Variants in FCHO1 observed in about 807,000 individuals in gnomAD.
FCHO1 encodes the protein F-BAR domain only protein 1.
A neutral mutation model predicts 114.4 loss-of-function variants in FCHO1; 45 were observed. That is an observed-to-expected ratio of 0.39 (90% CI 0.31 to 0.50). The LOEUF (loss-of-function observed/expected upper bound fraction) is 0.50, where lower values mean the gene tolerates loss of function less well. Ranked by LOEUF, FCHO1 falls within the 20% of genes least tolerant of loss-of-function variation. The pLI, the probability that FCHO1 is intolerant of heterozygous loss-of-function variation, is 0.77. For synonymous variants in FCHO1, 480 were observed against 488.9 expected, an observed-to-expected ratio of 0.98 and a Z score of 0.24; for missense variants, 1,042 against 1,209.6, an observed-to-expected ratio of 0.86 and a Z score of 2.06.
Position 17,770,876 on chromosome 19 carries a change from A to G in FCHO1, c.574A>G (p.Lys192Glu). 6.2e-7 allele frequency: 1 copy of G among 1,614,074 alleles called. No individual in the cohort carries two copies. Among genetic ancestry groups the G allele is most frequent in the Non-Finnish European group, 8.5e-7 (1 of 1,180,014 alleles). The change falls in exon 9 of 29, where the codon AAG becomes GAG. Residue 192 changes from lysine (K) to glutamate (E), a missense_variant. By Grantham distance (56) the Lys-to-Glu change is moderately conservative (BLOSUM62 1). This residue lies in a region of FCHO1 where 450 missense variants were observed against 564.1 expected (regional missense o/e 0.80). Transcript: ENST00000596536. ...CTCAGCCCGAGCTGACTTTGAGCAGAAGATGCTGGACTCAGCCCTGGTAAG... is the reference window on the plus strand; with the variant it reads ...CTCAGCCCGAGCTGACTTTGAGCAGGAGATGCTGGACTCAGCCCTGGTAAG... ...YNSARADFEQ[K>E]MLDSALRFQA... is the part of the protein sequence containing the mutation.
At position 17,781,836 on chromosome 19, in the gene FCHO1, C is replaced by T. The variant is rs373997363; in HGVS notation, c.1937+16C>T. The T allele has an allele frequency of 2.2e-5, 33 of 1,524,334 alleles. No homozygotes were observed. In the African/African-American group the frequency reaches 3.6e-4, roughly 17 times the overall value. 94.4% of individuals were successfully genotyped at this position (1,524,334 alleles called of 1,614,324 possible). The stretch of plus-strand genomic sequence containing the variant: ...ACAGCCCCAGGTACCCAGTGATGGG[C>T]AGACAGGGCCCGTGGGAAGTCTGTG... On this transcript the variant is annotated intron_variant, in intron 23 of 28. Transcript: ENST00000596536.
In FCHO1 at chr19:17,784,638, G is replaced by A. The variant is rs1238762909; in HGVS notation, c.2227-87G>A. ...ACCCCCTTGGGGCGGTGCGTGCATCGCAGGGTCAAGGTGGTTGAATAGCGC... is the reference window on the plus strand; with the variant it reads ...ACCCCCTTGGGGCGGTGCGTGCATCACAGGGTCAAGGTGGTTGAATAGCGC... On this transcript the variant is annotated intron_variant, in intron 25 of 28. Transcript: ENST00000596536. This position sits in a 1 kb window ranked among gnomAD's most constrained non-coding sequence, Gnocchi z 5.3. 8.5e-6 allele frequency: 11 copies of A among 1,293,112 alleles called. No individual in the cohort carries two copies. Among genetic ancestry groups the A allele is most frequent in the East Asian group, 4.6e-5 (2 of 43,182 alleles). The allele number at this position is 1,293,112 out of a possible 1,614,324, so 80.1% of individuals were successfully genotyped here. A position where few individuals can be genotyped will look rare whatever the true frequency, so the allele number is the denominator to read the frequency against.
rs762374542 is a variant in FCHO1, at chr19:17,781,301, T to C, written c.1698T>C (p.Ser566=). 1 of 1,613,978 alleles carries C rather than the reference T, an allele frequency of 6.2e-7. No individual in the cohort carries two copies. Among genetic ancestry groups the C allele is most frequent in the Non-Finnish European group, 8.5e-7 (1 of 1,179,930 alleles). The part of the protein sequence containing the change: ...GLAAPPRRLR[S]RKVSCPLTRS... ...CAGCCCCACCCAGGAGACTTCGCTCTAGGAAGGTGTCCTGCCCTCTCACAC... is the reference window on the plus strand; with the variant it reads ...CAGCCCCACCCAGGAGACTTCGCTCCAGGAAGGTGTCCTGCCCTCTCACAC... Residue 566 remains serine, a synonymous_variant, in exon 21 of 29, where the codon TCT becomes TCC. Coordinates refer to ENST00000596536, the MANE Select transcript of FCHO1 (RefSeq NM_015122.3).
intron 4 of FCHO1, among the ~76,000 whole-genome samples, chr19:17,757,972 T>A (rs2084409689): frequency 6.7e-6 from 1 of 149,614 alleles, no homozygotes; most frequent in Non-Finnish European, 1.5e-5. Context: ...ATCCCAGCAT[T>A]TGGGAGGCCG....
intron 1 of FCHO1, among the ~76,000 whole-genome samples, chr19:17,752,716 C>T (rs184435111): frequency 1.4e-5 from 2 of 140,406 alleles, no homozygotes; most frequent in Admixed American, 1.5e-4. Context: ...CTGGGCCACA[C>T]TAGTGAGACC....
At chr19:17,786,149 T>G (rs189503100) in intron 26 of FCHO1, among the ~76,000 whole-genome samples, 1 of 151,634 alleles carries the variant, frequency 6.6e-6, no homozygotes, top group African/African-American at 2.4e-5. Context: ...GCCTGGCCAA[T>G]ATGGTGAAAC....
chr19:17,768,745 C>T (rs73518398), intron 7 of FCHO1, among the ~76,000 whole-genome samples: 10,232 of 150,342 alleles, frequency 0.068, 792 homozygotes, highest in African/African-American at 0.19. Context: ...AGGGGTCCTG[C>T]TGTGTTGCCC....
At chr19:17,749,398 G>T (rs145266223), upstream of FCHO1, among the ~76,000 whole-genome samples, 5 of 152,252 alleles carry the variant, frequency 3.3e-5, no homozygotes, top group African/African-American at 1.2e-4. Context: ...ATACAGACAT[G>T]ATTATTATAA....
At chr19:17,774,714 C>T in intron 13 of FCHO1, 1 of 590,578 alleles carries the variant, frequency 1.7e-6, no homozygotes, top group South Asian at 2.1e-5. Flanking sequence ...CCAGGAATTG[C>T]CTGTCCCAGA....
chr19:17,768,720 AAAAG>A, intron 7 of FCHO1, among the ~76,000 whole-genome samples: 1 of 125,012 alleles, frequency 8.0e-6, no homozygotes, highest in Non-Finnish European at 1.7e-5. Context: ...AAAAAAAAAA[AAAAG>A]GAGAGAGAGA....
intron 9 of FCHO1, among the ~76,000 whole-genome samples, chr19:17,771,819 T>G (rs931783540): frequency 1.1e-4 from 16 of 152,024 alleles, no homozygotes; most frequent in African/African-American, 3.1e-4. Flanking sequence ...AATTTCTGCT[T>G]CTTTTATTTT....
At chr19:17,762,481 G>C (rs1243128631) in intron 4 of FCHO1, among the ~76,000 whole-genome samples, 1 of 152,018 alleles carries the variant, frequency 6.6e-6, no homozygotes, top group Non-Finnish European at 1.5e-5. Context: ...GAAAGACAGA[G>C]ACACAAAGAC....
At chr19:17,773,206 G>T (rs2092011907) in intron 11 of FCHO1, among the ~76,000 whole-genome samples, 1 of 152,186 alleles carries the variant, frequency 6.6e-6, no homozygotes, top group Non-Finnish European at 1.5e-5. Context: ...GTGAGACGTG[G>T]GTTTGAGTCT....
chr19:17,786,721 T>C, intron 27 of FCHO1, 92 bp downstream of exon 27: 1 of 1,402,536 alleles, frequency 7.1e-7, no homozygotes, highest in Non-Finnish European at 9.8e-7. Flanking sequence ...GGGGACATAC[T>C]GAGGGCGGGC....
At chr19:17,747,792 G>C (rs997523405), upstream of FCHO1, 2 of 152,124 alleles carry the variant, frequency 1.3e-5, no homozygotes, top group Admixed American at 6.5e-5. Context: ...CGGCGAGCGC[G>C]GGGCTCGGCC....
At position 17,774,383 on chromosome 19, in the gene FCHO1, TC is replaced by T. The variant is rs1461952327; in HGVS notation, c.836-10del. The T allele has an allele frequency of 2.5e-6, 4 of 1,613,762 alleles. No individual in the cohort carries two copies. In the African/African-American group the frequency reaches 5.3e-5, roughly 22 times the overall value. ...CTCACAGTGCTCAGGTGCCCCCCAA[TC>T]TATCCTCAGCGATGAAACGTTTGCG... On this transcript the variant is annotated splice_polypyrimidine_tract_variant and intron_variant, in intron 12 of 28. Transcript: ENST00000596536.
Position 17,762,768 on chromosome 19 carries a change from A to G in FCHO1, c.34A>G (p.Lys12Glu). Reference sequence around the variant, plus strand: ...CTATTCCCATCCCCTGCAGGGCGAGAAAAATCATGGCTTTGAGGTCCTGTA... The same window carrying G: ...CTATTCCCATCCCCTGCAGGGCGAGGAAAATCATGGCTTTGAGGTCCTGTA... The part of the protein sequence containing the change: ...SYFGEHFWGE[K>E]NHGFEVLYHS... Residue 12 changes from lysine (K) to glutamate (E), a missense_variant, in exon 5 of 29, where the codon AAA (lysine) becomes GAA (glutamate). Around this residue, in one of 3 missense-constraint regions of FCHO1, gnomAD observed 450 missense variants for 564.1 expected, o/e 0.80. Coordinates refer to ENST00000596536, the MANE Select transcript of FCHO1 (RefSeq NM_015122.3). 4.3e-6 allele frequency: 7 copies of G among 1,613,042 alleles called. No homozygotes were observed. Among genetic ancestry groups the G allele is most frequent in the Non-Finnish European group, 5.1e-6 (6 of 1,179,070 alleles).
chr19:17,776,825 A>G lies in FCHO1; in HGVS notation c.1259+139A>G. On this transcript the variant is annotated intron_variant, in intron 18 of 28. Transcript: ENST00000596536. This position sits in a 1 kb window ranked among gnomAD's most constrained non-coding sequence, Gnocchi z 4.4. ...TTTTTTTGTTTTTGTTTTTGTTTTG[A>G]GACAGAGTCTCACTCTGTCACCCAG... The G allele has an allele frequency of 1.3e-6, 1 of 791,558 alleles. No homozygotes were observed. Among genetic ancestry groups the G allele is most frequent in the South Asian group, 1.8e-5 (1 of 56,274 alleles). 49.0% of individuals were successfully genotyped at this position (791,558 alleles called of 1,614,324 possible).
At chr19:17,753,041 C>G (rs937687225) in intron 1 of FCHO1, among the ~76,000 whole-genome samples, 1 of 152,054 alleles carries the variant, frequency 6.6e-6, no homozygotes, top group Non-Finnish European at 1.5e-5. Context: ...ATGATCGCAC[C>G]ACTGCACTCC....
Sources: gnomAD v4.1 joint callset for allele counts (sites outside exome capture counted in the v4.1 genomes callset) on GRCh38, gnomAD v4.1.1 for gene constraint, gnomAD v4.1.1 regional missense constraint, Gnocchi (gnomAD v3.1) non-coding constraint, MANE v1.5 for transcripts, NCBI Gene and HGNC (gene_info 2026-07-23, HGNC 2026-07-21) for gene names.